The following KIF15 variants were observed in gnomAD, a reference collection of about 807,000 sequenced individuals.
KIF15 encodes kinesin-like protein KIF15.
KIF15 carries 140 observed loss-of-function variants against 190.6 expected under a neutral mutation model. The ratio of observed to expected loss-of-function variants is 0.73; its 90% CI spans 0.64 to 0.84. KIF15 has a LOEUF of 0.84. KIF15 is among the 40% of genes least tolerant of loss of function. The pLI, the probability that KIF15 is intolerant of heterozygous loss-of-function variation, is 0.00. For missense variants in KIF15, 1,372 were observed against 1,584.4 expected (o/e 0.87, Z 2.28); for synonymous variants, 528 against 551.3 (o/e 0.96, Z 0.59).
chr3:44,827,470 A>G lies in KIF15; in HGVS notation c.2798A>G (p.Lys933Arg). 1.2e-6 allele frequency: 2 copies of G among 1,610,880 alleles called. No individual in the cohort carries two copies. The highest frequency in any genetic ancestry group is 1.7e-6 in the Non-Finnish European group (2 of 1,177,778). The change falls in exon 23 of 35, where the codon AAA becomes AGA. Residue 933 changes from lysine (K) to arginine (R), a missense_variant. By Grantham distance (26) the Lys-to-Arg change is conservative. Coordinates refer to ENST00000326047, the MANE Select transcript of KIF15 (RefSeq NM_020242.3). Reference sequence around the variant, plus strand: ...TTATTCTCTTCCAGAGAAATCTTAAAAGTTCTTGAGGCTGTACGTCAGGAG... The same window carrying G: ...TTATTCTCTTCCAGAGAAATCTTAAGAGTTCTTGAGGCTGTACGTCAGGAG... ...DKENSSKEIL[K>R]VLEAVRQEKQ...
chr3:44,852,086 T>C, intron 33 of KIF15, 122 bp from the exon 34 acceptor site: 1 of 1,435,888 alleles, frequency 7.0e-7, no homozygotes, highest in Middle Eastern at 1.8e-4. Flanking sequence ...TGTGAGGCCT[T>C]GAAAGCTGGG....
intron 30 of KIF15, among the ~76,000 whole-genome samples, chr3:44,847,510 A>C (rs1225167798): frequency 6.6e-6 from 1 of 152,134 alleles, no homozygotes; most frequent in East Asian, 1.9e-4. Context: ...GTTATCAGAA[A>C]ATGCCAACTG....
At chr3:44,837,543 T>C (rs1026973913) in intron 26 of KIF15, among the ~76,000 whole-genome samples, 2 of 151,922 alleles carry the variant, frequency 1.3e-5, no homozygotes, top group Admixed American at 1.3e-4. Flanking sequence ...TGTGTGTTTA[T>C]ATGTGTGTAT....
chr3:44,810,512 A>G (rs1345448834), intron 16 of KIF15, among the ~76,000 whole-genome samples: 1 of 151,986 alleles, frequency 6.6e-6, no homozygotes, highest in Non-Finnish European at 1.5e-5. Context: ...TCCCCTTCTC[A>G]GCCTCCCACG....
chr3:44,775,858 A>C (rs1705859989), intron 3 of KIF15, among the ~76,000 whole-genome samples: 1 of 151,490 alleles, frequency 6.6e-6, no homozygotes. Flanking sequence ...GAGGGGGCAA[A>C]TCATGAGGTC....
chr3:44,805,273 A>G, intron 15 of KIF15, 105 bp downstream of exon 15: 12 of 1,106,964 alleles, frequency 1.1e-5, no homozygotes, highest in Non-Finnish European at 1.6e-5. Context: ...TAAATATTAA[A>G]CTCTCATAGC....
chr3:44,829,374 ATGTGTGTGTG>A (rs547572565), intron 24 of KIF15, among the ~76,000 whole-genome samples: 2 of 136,824 alleles, frequency 1.5e-5, no homozygotes, highest in African/African-American at 2.7e-5. Flanking sequence ...ATATATATAT[ATGTGTGTGTG>A]TGTGTGTGTG....
At chr3:44,787,537 C>G (rs998338117) in intron 7 of KIF15, among the ~76,000 whole-genome samples, 2 of 152,000 alleles carry the variant, frequency 1.3e-5, no homozygotes, top group Non-Finnish European at 2.9e-5. Context: ...CTCCCCCCGG[C>G]GAGAGATAGG....
At chr3:44,830,611 A>G (rs868834463) in intron 25 of KIF15, among the ~76,000 whole-genome samples, 3 of 151,504 alleles carry the variant, frequency 2.0e-5, no homozygotes, top group Middle Eastern at 3.4e-3. Context: ...GGCTTTTGTC[A>G]CTCCTCCTCA....
chr3:44,811,087 T>A, intron 17 of KIF15, 44 bp downstream of exon 17: 1 of 1,390,910 alleles, frequency 7.2e-7, no homozygotes, highest in Non-Finnish European at 9.9e-7. Context: ...GACATCCATT[T>A]AAATACATTT....
intron 11 of KIF15, 134 bp downstream of exon 11, chr3:44,800,571 A>G: frequency 1.3e-6 from 1 of 795,644 alleles, no homozygotes; most frequent in East Asian, 2.6e-5. Flanking sequence ...TATTTCTCCT[A>G]TATAGGAACA....
At chr3:44,779,890 G>T (rs1706086470) in intron 4 of KIF15, among the ~76,000 whole-genome samples, 1 of 150,744 alleles carries the variant, frequency 6.6e-6, no homozygotes, top group South Asian at 2.1e-4. Flanking sequence ...CTCATTCTGA[G>T]TTACTAAAGA....
intron 16 of KIF15, among the ~76,000 whole-genome samples, chr3:44,808,017 C>A (rs1267083457): frequency 6.6e-6 from 1 of 152,000 alleles, no homozygotes; most frequent in South Asian, 2.1e-4. Flanking sequence ...CTCACTGCAG[C>A]CTTGAACTCC....
chr3:44,837,533 T>G (rs1698379784), intron 26 of KIF15, among the ~76,000 whole-genome samples: 1 of 151,984 alleles, frequency 6.6e-6, no homozygotes, highest in Non-Finnish European at 1.5e-5. Flanking sequence ...TTTTTAAAAG[T>G]GTGTGTTTAT....
chr3:44,802,986 AC>A lies in KIF15; in HGVS notation c.1683del (p.Asp561GlufsTer24). 1 of 1,592,260 alleles carries A rather than the reference AC, an allele frequency of 6.3e-7. No individual in the cohort carries two copies. Among genetic ancestry groups the A allele is most frequent in the South Asian group, 1.1e-5 (1 of 86,972 alleles). On this transcript the variant is annotated frameshift_variant, in exon 14 of 35. Transcript: ENST00000326047. LOFTEE classifies it high-confidence loss of function. The stretch of plus-strand genomic sequence containing the variant: ...GAAATAAGTGGCATGGAGAAAAGTG[AC>A]AAAAGTAAGAAATGATTGTTGTATA... ...FSEISGMEKS[D>X]KNQQGFSPKA...
intron 26 of KIF15, among the ~76,000 whole-genome samples, chr3:44,835,159 G>T (rs1359923400): frequency 6.6e-6 from 1 of 151,994 alleles, no homozygotes; most frequent in Non-Finnish European, 1.5e-5. Flanking sequence ...TCAATAAAAG[G>T]ATCTAAAGGG....
intron 21 of KIF15, 66 bp from the exon 22 acceptor site, chr3:44,826,309 A>C (rs1697642444): frequency 6.4e-7 from 1 of 1,562,518 alleles, no homozygotes; most frequent in Non-Finnish European, 8.8e-7. Context: ...CATAGAAGGT[A>C]CTTGACATGT....
At chr3:44,803,444 C>G (rs1448665710) in intron 14 of KIF15, among the ~76,000 whole-genome samples, 8 of 152,280 alleles carry the variant, frequency 5.3e-5, no homozygotes, top group Admixed American at 6.5e-5. Context: ...TGTTTGGGTC[C>G]TGGTATTGTG....
At chr3:44,811,417 A>G (rs556275744) in intron 17 of KIF15, among the ~76,000 whole-genome samples, 4 of 152,338 alleles carry the variant, frequency 2.6e-5, no homozygotes, top group South Asian at 4.1e-4. Context: ...AGGCTGAGGC[A>G]GGCATATCAC....
Sources: gnomAD v4.1 joint callset for allele counts (sites outside exome capture counted in the v4.1 genomes callset) on GRCh38, gnomAD v4.1.1 for gene constraint, MANE v1.5 for transcripts, NCBI Gene and HGNC (gene_info 2026-07-23, HGNC 2026-07-21) for gene names.